PLA2G7: variants seen among roughly 807,000 people sequenced by gnomAD.
PLA2G7 encodes the protein phospholipase A2 group VII, also known as platelet-activating factor acetylhydrolase.
Under a neutral mutation model 49.6 loss-of-function variants are expected in PLA2G7, and 63 were observed. The ratio of observed to expected loss-of-function variants is 1.27; its 90% CI spans 1.04 to 1.57. The LOEUF (loss-of-function observed/expected upper bound fraction) is 1.57. Among genes scored for constraint, PLA2G7 ranks in the 40% most tolerant of loss-of-function variants. The pLI is 0.00. For missense variants in PLA2G7, 596 were observed against 521.2 expected (o/e 1.14, Z -1.40); for synonymous variants, 193 against 169.9 (o/e 1.14, Z -1.06).
intron 1 of PLA2G7, among the ~76,000 whole-genome samples, chr6:46,723,258 A>T (rs755106536): frequency 3.9e-5 from 6 of 152,212 alleles, no homozygotes; most frequent in Non-Finnish European, 8.8e-5. Flanking sequence ...TATAACAACC[A>T]TCTGTCATCA....
At chr6:46,724,584 C>T (rs1037496969) in intron 1 of PLA2G7, among the ~76,000 whole-genome samples, 2 of 152,202 alleles carry the variant, frequency 1.3e-5, no homozygotes, top group African/African-American at 4.8e-5. Flanking sequence ...TTGGGCTGGG[C>T]CCATGGGGCT....
chr6:46,722,641 C>G, intron 2 of PLA2G7, 142 bp downstream of exon 2: 5 of 670,768 alleles, frequency 7.5e-6, no homozygotes, highest in Admixed American at 4.3e-5. Context: ...GAGAACCTCT[C>G]CCCTACTCCA....
chr6:46,731,141 A>G (rs1765722819), intron 1 of PLA2G7, among the ~76,000 whole-genome samples: 1 of 152,216 alleles, frequency 6.6e-6, no homozygotes, highest in Non-Finnish European at 1.5e-5. Context: ...AAAGAGAAAT[A>G]GAGTTGCCTT....
At chr6:46,711,640 T>C in intron 6 of PLA2G7, 21 bp from the exon 7 acceptor site, 2 of 1,612,518 alleles carry the variant, frequency 1.2e-6, no homozygotes, top group Non-Finnish European at 1.7e-6. Flanking sequence ...AGCAAAATTA[T>C]TATTTATGCA....
chr6:46,732,452 C>T (rs1765763919), intron 1 of PLA2G7, among the ~76,000 whole-genome samples: 1 of 152,142 alleles, frequency 6.6e-6, no homozygotes, highest in Non-Finnish European at 1.5e-5. Flanking sequence ...TATGAATTCA[C>T]CCTGTTCATC....
Position 46,716,987 on chromosome 6 carries a change from AT to A in PLA2G7, c.218del (p.Asp73ValfsTer49). The A allele has an allele frequency of 6.2e-7, 1 of 1,613,640 alleles. No individual in the cohort carries two copies. On this transcript the variant is annotated frameshift_variant, in exon 3 of 12. Coordinates refer to ENST00000274793, the MANE Select transcript of PLA2G7 (RefSeq NM_005084.4). LOFTEE classifies it high-confidence loss of function. ...YSVGCTDLMF[D>X]HTNKGTFLRL... ...ATCAAAGCATTACCTTATTAGTGTG[AT>A]CAAACATTAAGTCTGTACAACCAAC...
At chr6:46,707,489 C>G (rs1486531193) in intron 10 of PLA2G7, among the ~76,000 whole-genome samples, 1 of 152,112 alleles carries the variant, frequency 6.6e-6, no homozygotes, top group Non-Finnish European at 1.5e-5. Context: ...CACACCATCC[C>G]CCTTGGTGCT....
At chr6:46,710,215 C>G (rs1039870501) in intron 8 of PLA2G7, among the ~76,000 whole-genome samples, 3 of 152,148 alleles carry the variant, frequency 2.0e-5, no homozygotes, top group African/African-American at 7.2e-5. Flanking sequence ...AAACTTGTGT[C>G]AAGTTTTCAA....
At chr6:46,710,702 A>G (rs751559133) in intron 7 of PLA2G7, 44 bp from the exon 8 acceptor site, 1 of 1,427,082 alleles carries the variant, frequency 7.0e-7, no homozygotes, top group Non-Finnish European at 9.9e-7. Flanking sequence ...GTAAAAAGTT[A>G]TAACACTTAT....
At chr6:46,725,420 T>C (rs181386354) in intron 1 of PLA2G7, among the ~76,000 whole-genome samples, 81 of 152,030 alleles carry the variant, frequency 5.3e-4, no homozygotes, top group African/African-American at 1.5e-3. Flanking sequence ...TTAGTAGAGA[T>C]GGGGTTTCAC....
At chr6:46,712,176 TTAAA>T in intron 6 of PLA2G7, 89 bp downstream of exon 6, 4 of 865,294 alleles carry the variant, frequency 4.6e-6, no homozygotes, top group Non-Finnish European at 5.9e-6. Context: ...CATCAACATT[TTAAA>T]TAAACTTTTA....
Position 46,722,904 on chromosome 6 carries a change from G to T in PLA2G7, c.-13C>A, listed in dbSNP as rs1358225843. 3.3e-6 allele frequency: 5 copies of T among 1,518,356 alleles called. No homozygotes were observed. The highest frequency in any genetic ancestry group is 4.6e-6 in the Non-Finnish European group (5 of 1,093,354). 94.1% of individuals were successfully genotyped at this position (1,518,356 alleles called of 1,614,324 possible). ...TGGGTGGCACCATCTTGGGAGCTGA[G>T]CAGCAGTTTCAGCTTAGTCTCCTTC... On this transcript the variant is annotated 5_prime_UTR_variant, in exon 2 of 12. Coordinates refer to ENST00000274793, the MANE Select transcript of PLA2G7 (RefSeq NM_005084.4).
intron 2 of PLA2G7, among the ~76,000 whole-genome samples, chr6:46,719,685 A>C (rs899808479): frequency 6.6e-6 from 1 of 152,212 alleles, no homozygotes; most frequent in Non-Finnish European, 1.5e-5. Context: ...TCTGATCCAC[A>C]TTCGTAAAAT....
chr6:46,730,250 C>A (rs898787896), intron 1 of PLA2G7, among the ~76,000 whole-genome samples: 1 of 152,182 alleles, frequency 6.6e-6, no homozygotes, highest in Non-Finnish European at 1.5e-5. Flanking sequence ...CATGTGACAG[C>A]CACAGTCCTG....
intron 1 of PLA2G7, among the ~76,000 whole-genome samples, chr6:46,731,810 A>T (rs1481663390): frequency 1.3e-5 from 2 of 152,190 alleles, no homozygotes; most frequent in Non-Finnish European, 2.9e-5. Flanking sequence ...GACCAGGTAT[A>T]GCAATCTCAT....
chr6:46,708,293 A>G lies in PLA2G7; in HGVS notation c.870-132T>C, dbSNP rs544440603. 342 of 747,640 alleles carry G rather than the reference A, an allele frequency of 4.6e-4. 4 individuals carry two copies. Among genetic ancestry groups the G allele is most frequent in the South Asian group, 3.0e-3 (210 of 69,726 alleles). The allele number at this position is 747,640 out of a possible 1,614,324, so 46.3% of individuals were successfully genotyped here. Reference sequence around the variant, plus strand: ...ATTATGGGTTATCTCATTGGAATAAAGAGGTATCATACTTCAATGTGGGAA... The same window carrying G: ...ATTATGGGTTATCTCATTGGAATAAGGAGGTATCATACTTCAATGTGGGAA... On this transcript the variant is annotated intron_variant, in intron 9 of 11. Coordinates refer to ENST00000274793, the MANE Select transcript of PLA2G7 (RefSeq NM_005084.4).
intron 1 of PLA2G7, among the ~76,000 whole-genome samples, chr6:46,728,523 T>C (rs1309712834): frequency 6.6e-6 from 1 of 152,226 alleles, no homozygotes; most frequent in African/African-American, 2.4e-5. Flanking sequence ...ATGCATGAGA[T>C]GCAAAACCTG....
chr6:46,724,665 C>G (rs1765518447), intron 1 of PLA2G7, among the ~76,000 whole-genome samples: 1 of 152,198 alleles, frequency 6.6e-6, no homozygotes, highest in African/African-American at 2.4e-5. Flanking sequence ...TCATGCCTTC[C>G]TTTCCCTGAC....
At chr6:46,714,839 G>A (rs1024181633) in intron 4 of PLA2G7, among the ~76,000 whole-genome samples, 8 of 150,392 alleles carry the variant, frequency 5.3e-5, no homozygotes, top group African/African-American at 1.7e-4. Context: ...GGGTTCAAGC[G>A]ATTCTCCTGC....
Sources: allele counts gnomAD v4.1 joint callset (sites outside exome capture counted in the v4.1 genomes callset), GRCh38; gene constraint gnomAD v4.1.1; transcripts MANE v1.5; gene names NCBI Gene and HGNC (gene_info 2026-07-23, HGNC 2026-07-21).